The following ROBO1 variants were observed in gnomAD, a reference collection of about 807,000 sequenced individuals.
The protein encoded by ROBO1 is roundabout homolog 1.
Under a neutral mutation model 195.9 loss-of-function variants are expected in ROBO1, and 149 were observed. The ratio of observed to expected loss-of-function variants is 0.76; its 90% CI spans 0.67 to 0.87. The LOEUF is 0.87. Among genes scored for constraint, ROBO1 ranks in the 40% least tolerant of loss-of-function variants. ROBO1 has a pLI of 0.00. For missense variants in ROBO1, 1,933 were observed against 2,068.3 expected (o/e 0.93, Z 1.27); for synonymous variants, 816 against 733.2 (o/e 1.11, Z -1.82).
At chr3:79,416,751 G>A (rs1354169019) in intron 2 of ROBO1, among the ~76,000 whole-genome samples, 2 of 152,154 alleles carry the variant, frequency 1.3e-5, no homozygotes, top group Admixed American at 1.3e-4. Context: ...TGTACCACTA[G>A]TTGTTACTTC....
Position 79,125,463 on chromosome 3 carries a change from G to C in ROBO1, c.165C>G (p.Gly55=). The C allele has an allele frequency of 6.2e-7, 1 of 1,613,314 alleles. No homozygotes were observed. Among genetic ancestry groups the C allele is most frequent in the African/African-American group, 1.3e-5 (1 of 75,002 alleles). The change falls in exon 3 of 31, where the codon GGC becomes GGG. Residue 55 remains glycine (G), a synonymous_variant. Transcript: ENST00000464233. ...GGGAAAGAGACACTCTACCTGTATA[G>C]CCCAGCGAATTGTCATCGTTATCAG... The part of the protein sequence containing the change: ...PTSDNDDNSL[G]YTGSRLRQED...
At chr3:79,428,266 CTACT>C (rs1200430388) in intron 2 of ROBO1, among the ~76,000 whole-genome samples, 1 of 151,900 alleles carries the variant, frequency 6.6e-6, no homozygotes, top group Non-Finnish European at 1.5e-5. Context: ...TTATACACAC[CTACT>C]ATGTACCCAC....
intron 1 of ROBO1, among the ~76,000 whole-genome samples, chr3:79,727,259 T>C (rs1337631872): frequency 6.6e-6 from 1 of 151,584 alleles, no homozygotes; most frequent in Non-Finnish European, 1.5e-5. Flanking sequence ...CTACATTAAT[T>C]GCCAACTAGA....
intron 2 of ROBO1, among the ~76,000 whole-genome samples, chr3:79,418,900 T>C (rs1446560357): frequency 6.6e-6 from 1 of 152,124 alleles, no homozygotes; most frequent in African/African-American, 2.4e-5. Flanking sequence ...ATCAGAGGTG[T>C]GTGAGAAGTT....
At chr3:79,766,535 C>A (rs1705003796) in intron 1 of ROBO1, among the ~76,000 whole-genome samples, 1 of 151,860 alleles carries the variant, frequency 6.6e-6, no homozygotes, top group Admixed American at 6.6e-5. Flanking sequence ...GACCTCAGGG[C>A]GCGTGGCAAC....
At chr3:79,220,707 T>A (rs746154493) in intron 2 of ROBO1, among the ~76,000 whole-genome samples, 10 of 151,940 alleles carry the variant, frequency 6.6e-5, no homozygotes, top group Admixed American at 3.3e-4. Context: ...AGAGAAAGAA[T>A]CCCTTATTAA....
At chr3:79,512,261 TC>T (rs869112374) in intron 2 of ROBO1, among the ~76,000 whole-genome samples, 1 of 150,356 alleles carries the variant, frequency 6.7e-6, no homozygotes, top group Admixed American at 6.8e-5. Flanking sequence ...TGAGCTGAAT[TC>T]CCACCAAGAT....
Position 79,125,474 on chromosome 3 carries a change from T to G in ROBO1, c.154A>C (p.Asn52His). 1 of 1,613,576 alleles carries G rather than the reference T, an allele frequency of 6.2e-7. No homozygotes were observed. Among genetic ancestry groups the G allele is most frequent in the Admixed American group, 1.7e-5 (1 of 59,962 alleles). ...TPIPTSDNDD[N>H]SLGYTGSRLR... ...ACTCTACCTGTATAGCCCAGCGAAT[T>G]GTCATCGTTATCAGAGGTGGGGATT... Residue 52 changes from asparagine to histidine, a missense_variant, in exon 3 of 31, where the codon AAT becomes CAT. Physicochemically the swap from Asn to His is moderately conservative, Grantham distance 68. This residue lies in a region of ROBO1 where 185 missense variants were observed against 159.5 expected (regional missense o/e 1.16). Coordinates refer to ENST00000464233, the MANE Select transcript of ROBO1 (RefSeq NM_002941.4).
intron 3 of ROBO1, among the ~76,000 whole-genome samples, chr3:78,945,459 C>T (rs1194234650): frequency 6.6e-6 from 1 of 152,168 alleles, no homozygotes; most frequent in African/African-American, 2.4e-5. Context: ...GCTGAGGGTC[C>T]TGTCTGTTAG....
At position 78,631,272 on chromosome 3, in the gene ROBO1, G is replaced by A. The variant is rs1362369534; in HGVS notation, c.3515C>T (p.Pro1172Leu). The change falls in exon 25 of 31, where the codon CCC (proline) becomes CTC (leucine). Residue 1172 changes from proline (P) to leucine (L), a missense_variant. Pro to Leu is a moderately conservative substitution (Grantham distance 98). This residue lies in a region of ROBO1 where 1,737 missense variants were observed against 1,882.5 expected (regional missense o/e 0.92). Coordinates refer to ENST00000464233, the MANE Select transcript of ROBO1 (RefSeq NM_002941.4). ...SQGHKKGART[P>L]KVPKQGGMNW... ...CATGCCACCCTGTTTTGGTACCTTG[G>A]GTGTTCTTGCCCCTTTCTTGTGCCC... The A allele has an allele frequency of 6.2e-7, 1 of 1,613,380 alleles. No individual in the cohort carries two copies. The highest frequency in any genetic ancestry group is 2.2e-5 in the East Asian group (1 of 44,786).
At chr3:79,459,273 A>G in intron 2 of ROBO1, among the ~76,000 whole-genome samples, 1 of 152,140 alleles carries the variant, frequency 6.6e-6, no homozygotes, top group East Asian at 1.9e-4. Flanking sequence ...TAATCAATCA[A>G]TTGATAGGTA....
chr3:79,325,655 T>C (rs2034177000), intron 2 of ROBO1, among the ~76,000 whole-genome samples: 1 of 152,226 alleles, frequency 6.6e-6, no homozygotes, highest in Non-Finnish European at 1.5e-5. Flanking sequence ...CTGTCTTTAC[T>C]GCAATCTCTA....
intron 2 of ROBO1, among the ~76,000 whole-genome samples, chr3:79,219,474 G>C (rs536794507): frequency 6.6e-6 from 1 of 152,064 alleles, no homozygotes; most frequent in East Asian, 1.9e-4. Flanking sequence ...GGATTAGCTA[G>C]TATTAGCCCC....
chr3:79,405,689 C>A (rs1054224712), intron 2 of ROBO1, among the ~76,000 whole-genome samples: 1 of 152,082 alleles, frequency 6.6e-6, no homozygotes, highest in Admixed American at 6.6e-5. Flanking sequence ...AAGACAAATT[C>A]TTTTGTAACT....
chr3:79,038,750 T>C (rs909826444), intron 3 of ROBO1, among the ~76,000 whole-genome samples: 8 of 151,462 alleles, frequency 5.3e-5, no homozygotes, highest in Admixed American at 1.3e-4. Flanking sequence ...ACATCGCATC[T>C]GGTACTAAAT....
At chr3:78,871,209 G>C (rs1159214717) in intron 4 of ROBO1, among the ~76,000 whole-genome samples, 1 of 152,156 alleles carries the variant, frequency 6.6e-6, no homozygotes, top group Non-Finnish European at 1.5e-5. Flanking sequence ...GAGAGGGATG[G>C]AGAGCGGCAC....
intron 2 of ROBO1, among the ~76,000 whole-genome samples, chr3:79,217,428 A>AT (rs755632374): frequency 1.4e-4 from 21 of 151,914 alleles, no homozygotes; most frequent in African/African-American, 2.2e-4. Flanking sequence ...ATTTTAACGT[A>AT]TTTTTTTCCC....
intron 14 of ROBO1, among the ~76,000 whole-genome samples, chr3:78,662,335 A>G (rs7634971): frequency 1 from 152,245 of 152,276 alleles, 76,107 homozygotes; most frequent in Middle Eastern, 1. Flanking sequence ...CAGAGGACAT[A>G]TATTATAGAA....
At chr3:79,002,430 A>C (rs1356805457) in intron 3 of ROBO1, among the ~76,000 whole-genome samples, 1 of 152,272 alleles carries the variant, frequency 6.6e-6, no homozygotes, top group African/African-American at 2.4e-5. Context: ...AAATTAAATA[A>C]TACCTATAAG....
Sources: gnomAD v4.1 joint callset for allele counts (sites outside exome capture counted in the v4.1 genomes callset) on GRCh38, gnomAD v4.1.1 for gene constraint, gnomAD v4.1.1 regional missense constraint, MANE v1.5 for transcripts, NCBI Gene and HGNC (gene_info 2026-07-23, HGNC 2026-07-21) for gene names.